The following TIAM1 variants were observed in gnomAD, a reference collection of about 807,000 sequenced individuals.
TIAM1 encodes TIAM Rac1 associated GEF 1, also known as rho guanine nucleotide exchange factor TIAM1.
In TIAM1, 65 loss-of-function variants were observed where a neutral mutation model predicts 163.5. The ratio of observed to expected loss-of-function variants is 0.40; its 90% CI spans 0.33 to 0.49. TIAM1 has a LOEUF of 0.49. TIAM1 is among the 20% of genes least tolerant of loss of function. The pLI is 0.77. For missense variants in TIAM1, 1,789 were observed against 2,044.7 expected (o/e 0.87, Z 2.41); for synonymous variants, 833 against 810.1 (o/e 1.03, Z -0.48).
At position 31,334,705 on chromosome 21, in the gene TIAM1, G is replaced by A. The variant is rs565802166; in HGVS notation, c.-189+4538C>T. Among the ~76,000 whole-genome samples the A allele has an allele frequency of 5.3e-5, 8 of 152,122 alleles. No homozygotes were observed. The South Asian group carries it at 6.2e-4, about 12-fold the overall frequency. On this transcript the variant is annotated intron_variant, in intron 2 of 27. Coordinates refer to ENST00000541036, the MANE Select transcript of TIAM1 (RefSeq NM_001353694.2). The stretch of plus-strand genomic sequence containing the variant: ...TCATTCCCATCCCCATAAGCAAACC[G>A]AACTCTGCTGAGCATCAGTTCGGAG...
chr21:31,315,185 A>G (rs2075064764), intron 2 of TIAM1, among the ~76,000 whole-genome samples: 1 of 152,204 alleles, frequency 6.6e-6, no homozygotes, highest in Admixed American at 6.5e-5. Context: ...AGACTGACCA[A>G]CATGGTGAAA....
At chr21:31,178,496 C>G (rs1343523804) in intron 15 of TIAM1, among the ~76,000 whole-genome samples, 1 of 151,790 alleles carries the variant, frequency 6.6e-6, no homozygotes, top group Non-Finnish European at 1.5e-5. Context: ...TTAGTAGAGA[C>G]GGGGTTTCAC....
At chr21:31,259,814 T>G (rs767635533) in intron 4 of TIAM1, among the ~76,000 whole-genome samples, 2 of 150,550 alleles carry the variant, frequency 1.3e-5, no homozygotes, top group Non-Finnish European at 2.9e-5. Context: ...AAACAGTATA[T>G]TGCAAGAGAG....
At chr21:31,282,628 T>C (rs1833378658) in intron 2 of TIAM1, among the ~76,000 whole-genome samples, 1 of 152,148 alleles carries the variant, frequency 6.6e-6, no homozygotes, top group Non-Finnish European at 1.5e-5. Context: ...GCAATAAGGA[T>C]TCATGCACAA....
chr21:31,206,068 A>T (rs2086437817), intron 11 of TIAM1, among the ~76,000 whole-genome samples: 1 of 152,230 alleles, frequency 6.6e-6, no homozygotes, highest in South Asian at 2.1e-4. Flanking sequence ...GATAACTTTA[A>T]AAAATAAAAA....
Position 31,252,188 on chromosome 21 carries a change from T to C in TIAM1, c.965A>G (p.Asp322Gly). 1 of 1,601,476 alleles carries C rather than the reference T, an allele frequency of 6.2e-7. No individual in the cohort carries two copies. The highest frequency in any genetic ancestry group is 8.5e-7 in the Non-Finnish European group (1 of 1,178,372). The stretch of plus-strand genomic sequence containing the variant: ...CTCACTGCCCTCGCCTGCATTAACA[T>C]CCTTGGGAGCAGAAAGAGAGAGCAA... The part of the protein sequence containing the change: ...MQGRRAKTTQ[D>G]VNAGEGSEFA... The change falls in exon 5 of 28, where the codon GAT becomes GGT. Residue 322 changes from aspartate to glycine, a missense_variant and splice_region_variant. Physicochemically the swap from Asp to Gly is moderately conservative, Grantham distance 94. Transcript: ENST00000541036.
chr21:31,124,801 A>G, intron 26 of TIAM1, 107 bp from the exon 27 acceptor site: 1 of 963,610 alleles, frequency 1.0e-6, no homozygotes, highest in Non-Finnish European at 1.5e-6. Flanking sequence ...GCCAAAGGCT[A>G]AAGACTGAGG....
chr21:31,440,419 T>C (rs2044376234), intron 2 of TIAM1, among the ~76,000 whole-genome samples: 2 of 152,142 alleles, frequency 1.3e-5, no homozygotes. Flanking sequence ...TCCCCAAATA[T>C]CTGATTATAG....
intron 2 of TIAM1, among the ~76,000 whole-genome samples, chr21:31,337,518 G>GTTATTATTGTTGTTATTATTA (rs1555946484): frequency 1.4e-5 from 2 of 147,258 alleles, no homozygotes; most frequent in African/African-American, 5.1e-5. Flanking sequence ...TATTATTGTT[G>GTTATTATTGTTGTTATTATTA]TTATTATTAT....
At chr21:31,283,731 G>A (rs566290597) in intron 2 of TIAM1, among the ~76,000 whole-genome samples, 5 of 152,084 alleles carry the variant, frequency 3.3e-5, no homozygotes, top group Non-Finnish European at 7.4e-5. Flanking sequence ...TAGTAGAAAC[G>A]GAGTTTCATC....
intron 2 of TIAM1, among the ~76,000 whole-genome samples, chr21:31,397,252 T>C (rs1406522719): frequency 3.3e-5 from 5 of 152,212 alleles, no homozygotes; most frequent in African/African-American, 9.6e-5. Flanking sequence ...AGAACTATCA[T>C]GCCCGTTTGT....
At chr21:31,434,760 A>G (rs1412644203) in intron 2 of TIAM1, among the ~76,000 whole-genome samples, 1 of 152,186 alleles carries the variant, frequency 6.6e-6, no homozygotes, top group Non-Finnish European at 1.5e-5. Flanking sequence ...GGTGAGACAC[A>G]CAGTGACCCT....
intron 2 of TIAM1, among the ~76,000 whole-genome samples, chr21:31,371,782 C>T (rs1180792152): frequency 1.3e-5 from 2 of 152,140 alleles, no homozygotes; most frequent in African/African-American, 4.8e-5. Flanking sequence ...ACAGGAAAGT[C>T]CTTCTAACTC....
At chr21:31,163,415 CAT>C (rs1381439503) in intron 16 of TIAM1, among the ~76,000 whole-genome samples, 3 of 152,114 alleles carry the variant, frequency 2.0e-5, no homozygotes, top group East Asian at 1.9e-4. Flanking sequence ...TAAAAGGAAA[CAT>C]GTGCATTTCC....
chr21:31,462,890 C>G (rs2045387271), intron 2 of TIAM1, among the ~76,000 whole-genome samples: 1 of 152,098 alleles, frequency 6.6e-6, no homozygotes, highest in East Asian at 1.9e-4. Context: ...TTACAGGCAC[C>G]TGCCACCATG....
chr21:31,256,292 C>T (rs2072095584), intron 4 of TIAM1, among the ~76,000 whole-genome samples: 1 of 152,164 alleles, frequency 6.6e-6, no homozygotes, highest in Non-Finnish European at 1.5e-5. Flanking sequence ...AGTGCAAAGG[C>T]TCTGGGACAA....
chr21:31,520,121 G>A (rs1411950394), intron 1 of TIAM1, among the ~76,000 whole-genome samples: 2 of 152,092 alleles, frequency 1.3e-5, no homozygotes, highest in East Asian at 1.9e-4. Context: ...ACCTGAGGTC[G>A]GGAGTTCGAG....
chr21:31,236,238 G>A lies in TIAM1; in HGVS notation c.1584+9250C>T, dbSNP rs114589160. ...CCAGAATGGTGCTGACAGTTGATCC[G>A]GAGTGAGCCAAATTCTTTATATAGA... On this transcript the variant is annotated intron_variant, in intron 6 of 27. Coordinates refer to ENST00000541036, the MANE Select transcript of TIAM1 (RefSeq NM_001353694.2). Among the ~76,000 whole-genome samples the A allele has an allele frequency of 2.9e-3, 447 of 152,292 alleles. 6 individuals are homozygous for A. Among genetic ancestry groups the A allele is most frequent in the African/African-American group, 0.01 (429 of 41,556 alleles).
intron 3 of TIAM1, among the ~76,000 whole-genome samples, chr21:31,269,414 G>T (rs917521366): frequency 6.6e-6 from 1 of 152,230 alleles, no homozygotes; most frequent in African/African-American, 2.4e-5. Context: ...AGGAGAGTGA[G>T]CAGGAAGTTT....
Sources: gnomAD v4.1 joint callset for allele counts (sites outside exome capture counted in the v4.1 genomes callset) on GRCh38, gnomAD v4.1.1 for gene constraint, MANE v1.5 for transcripts, NCBI Gene and HGNC (gene_info 2026-07-23, HGNC 2026-07-21) for gene names.